The following DLGAP1 variants were observed in gnomAD, a reference collection of about 807,000 sequenced individuals.
The protein encoded by DLGAP1 is DLG associated protein 1, also known as disks large-associated protein 1.
In DLGAP1, 11 loss-of-function variants were observed where a neutral mutation model predicts 90.8. That is an observed-to-expected ratio of 0.12 (90% CI 0.08 to 0.20). DLGAP1 has a LOEUF of 0.20. Ranked by LOEUF, DLGAP1 falls within the 10% of genes least tolerant of loss-of-function variation. DLGAP1 has a pLI of 1.00. For synonymous variants in DLGAP1, 558 were observed against 540.7 expected (o/e 1.03, Z -0.44); for missense variants, 1,050 against 1,333.8 (o/e 0.79, Z 3.31).
intron 1 of DLGAP1, among the ~76,000 whole-genome samples, chr18:4,400,944 A>G (rs2082541150): frequency 6.6e-6 from 1 of 152,176 alleles, no homozygotes; most frequent in Non-Finnish European, 1.5e-5. Flanking sequence ...ACTTTTTGTA[A>G]ATACACTGCA....
At chr18:3,778,787 G>T (rs2065050282) in intron 5 of DLGAP1, among the ~76,000 whole-genome samples, 1 of 152,172 alleles carries the variant, frequency 6.6e-6, no homozygotes, top group East Asian at 1.9e-4. Flanking sequence ...GGGAGAGCTG[G>T]CCAGGAAGCA....
chr18:4,202,723 G>T (rs1234494369), intron 1 of DLGAP1, among the ~76,000 whole-genome samples: 1 of 152,060 alleles, frequency 6.6e-6, no homozygotes, highest in Non-Finnish European at 1.5e-5. Context: ...ATGGATTCAG[G>T]AATGTTTAAC....
At position 4,023,881 on chromosome 18, in the gene DLGAP1, GT is replaced by G. The variant is rs201035347; in HGVS notation, c.-158-18681del. On this transcript the variant is annotated intron_variant, in intron 2 of 12. Coordinates refer to ENST00000315677, the MANE Select transcript of DLGAP1 (RefSeq NM_004746.4). Reference sequence around the variant, plus strand: ...TATTAATGTAATAAAAAAAATTTTGGTTTCTATTCTGCTTAGTAGAAAAGGT... The same window carrying G: ...TATTAATGTAATAAAAAAAATTTTGGTTCTATTCTGCTTAGTAGAAAAGGT... Among the ~76,000 whole-genome samples the G allele has an allele frequency of 5.2e-3, 794 of 152,030 alleles. 9 individuals carry two copies. The highest frequency in any genetic ancestry group is 0.018 in the African/African-American group (752 of 41,478).
At chr18:3,792,470 C>CA (rs11383635) in intron 5 of DLGAP1, among the ~76,000 whole-genome samples, 5,049 of 146,382 alleles carry the variant, frequency 0.034, 223 homozygotes, top group African/African-American at 0.1. Flanking sequence ...GACTCCATCT[C>CA]AAAAAAAAAA....
intron 2 of DLGAP1, among the ~76,000 whole-genome samples, chr18:4,034,484 G>T (rs1420468640): frequency 1.3e-5 from 2 of 152,112 alleles, no homozygotes; most frequent in Non-Finnish European, 2.9e-5. Flanking sequence ...TTGCCTTATT[G>T]TAAGCAAAAC....
At chr18:4,066,364 A>T (rs1040189442) in intron 2 of DLGAP1, among the ~76,000 whole-genome samples, 1 of 152,114 alleles carries the variant, frequency 6.6e-6, no homozygotes, top group African/African-American at 2.4e-5. Flanking sequence ...AAAATGAAAA[A>T]ATAAAACTAT....
At chr18:4,081,739 G>C (rs906807634) in intron 2 of DLGAP1, among the ~76,000 whole-genome samples, 1 of 152,186 alleles carries the variant, frequency 6.6e-6, no homozygotes. Flanking sequence ...CTTCTGTTTT[G>C]GTCCCATTTG....
At chr18:3,519,078 A>G (rs913156186) in intron 10 of DLGAP1, among the ~76,000 whole-genome samples, 3 of 152,198 alleles carry the variant, frequency 2.0e-5, no homozygotes, top group African/African-American at 7.2e-5. Flanking sequence ...CATCAGAGCT[A>G]GAACAGTGGC....
intron 1 of DLGAP1, among the ~76,000 whole-genome samples, chr18:4,157,535 T>C (rs1321124062): frequency 6.6e-6 from 1 of 152,152 alleles, no homozygotes; most frequent in Non-Finnish European, 1.5e-5. Context: ...GATTCATGGG[T>C]GTGTGACTCA....
chr18:4,427,227 T>G (rs977339740), intron 1 of DLGAP1, among the ~76,000 whole-genome samples: 1 of 152,152 alleles, frequency 6.6e-6, no homozygotes, highest in Non-Finnish European at 1.5e-5. Flanking sequence ...CAAAGCCACA[T>G]GCAGAAGTGA....
chr18:4,185,274 T>A (rs112253374), intron 1 of DLGAP1, among the ~76,000 whole-genome samples: 3 of 147,162 alleles, frequency 2.0e-5, no homozygotes, highest in Non-Finnish European at 4.5e-5. Context: ...TTTTTTTTTT[T>A]AACTTTTATT....
At chr18:4,022,967 C>T (rs2074639117) in intron 2 of DLGAP1, among the ~76,000 whole-genome samples, 1 of 143,788 alleles carries the variant, frequency 7.0e-6, no homozygotes, top group Non-Finnish European at 1.5e-5. Flanking sequence ...TGTATCCACA[C>T]TAAATGTCAG....
chr18:3,643,787 CA>C (rs1476218201), intron 7 of DLGAP1, among the ~76,000 whole-genome samples: 2 of 151,382 alleles, frequency 1.3e-5, no homozygotes, highest in African/African-American at 4.9e-5. Context: ...ATGGAAAACC[CA>C]AAAGTTTGAT....
intron 3 of DLGAP1, among the ~76,000 whole-genome samples, chr18:3,895,034 G>T (rs894905428): frequency 3.9e-5 from 6 of 152,136 alleles, no homozygotes; most frequent in Non-Finnish European, 4.4e-5. Context: ...TCAGCAAAGA[G>T]TGCAGTGCCA....
At chr18:4,275,674 T>C (rs1219227869) in intron 1 of DLGAP1, among the ~76,000 whole-genome samples, 2 of 152,172 alleles carry the variant, frequency 1.3e-5, no homozygotes, top group East Asian at 1.9e-4. Flanking sequence ...GAAATACTTA[T>C]TGGGCACTTA....
chr18:3,589,434 C>T (rs1379111207), intron 7 of DLGAP1, among the ~76,000 whole-genome samples: 1 of 152,124 alleles, frequency 6.6e-6, no homozygotes, highest in Non-Finnish European at 1.5e-5. Context: ...GGATCATACA[C>T]CATAAGCTAT....
At chr18:3,633,050 C>G (rs2058581012) in intron 7 of DLGAP1, among the ~76,000 whole-genome samples, 1 of 152,118 alleles carries the variant, frequency 6.6e-6, no homozygotes, top group African/African-American at 2.4e-5. Context: ...TAGGCTACGC[C>G]TTGGGCAAGT....
At chr18:4,279,168 A>G (rs2079490835) in intron 1 of DLGAP1, among the ~76,000 whole-genome samples, 1 of 152,244 alleles carries the variant, frequency 6.6e-6, no homozygotes. Context: ...TAGTAGCTGT[A>G]TAACTCTAGG....
At chr18:4,347,844 A>T (rs1201391688) in intron 1 of DLGAP1, among the ~76,000 whole-genome samples, 1 of 152,130 alleles carries the variant, frequency 6.6e-6, no homozygotes, top group Non-Finnish European at 1.5e-5. Context: ...AAGGTATTAG[A>T]ATTGGTAGAG....
Sources: allele counts gnomAD v4.1 joint callset (sites outside exome capture counted in the v4.1 genomes callset), GRCh38; gene constraint gnomAD v4.1.1; transcripts MANE v1.5; gene names NCBI Gene and HGNC (gene_info 2026-07-23, HGNC 2026-07-21).